Variants in OTOG observed in about 807,000 individuals in gnomAD.
OTOG encodes the protein otogelin.
OTOG carries 296 observed loss-of-function variants against 313.8 expected under a neutral mutation model. That is an observed-to-expected ratio of 0.94 (90% CI 0.86 to 1.04). The LOEUF is 1.04. Among genes scored for constraint, OTOG ranks in the 50% least tolerant of loss-of-function variants. OTOG has a pLI of 0.00. For missense variants in OTOG, 3,948 were observed against 3,840.1 expected (o/e 1.03, Z -0.74); for synonymous variants, 1,533 against 1,554.9 (o/e 0.99, Z 0.33).
Position 17,547,339 on chromosome 11 carries a change from C to A in OTOG, c.-34C>A. ...GGGGAGGCACCTCGGGAGGCTGGCC[C>A]TGCGCTCAAGTCCTCCGGTCCCCTC... On this transcript the variant is annotated 5_prime_UTR_variant, in exon 1 of 56. In the 5' UTR this introduces an upstream ATG that the reference lacks. Coordinates refer to ENST00000399397, the MANE Select transcript of OTOG (RefSeq NM_001292063.2). 1 of 1,320,434 alleles carries A rather than the reference C, an allele frequency of 7.6e-7. No homozygotes were observed. The highest frequency in any genetic ancestry group is 9.6e-7 in the Non-Finnish European group (1 of 1,038,970). The allele number at this position is 1,320,434 out of a possible 1,614,324, so 81.8% of individuals were successfully genotyped here. A position where few individuals can be genotyped will look rare whatever the true frequency, so the allele number is the denominator to read the frequency against.
chr11:17,645,986 C>A lies in OTOG; in HGVS notation c.*42C>A, dbSNP rs1206127000. ...CTAGCTGGACCACCTCTGCCAGCCCCACTTTCTGTTTCCAGCTGGCCCAAT... is the reference window on the plus strand; with the variant it reads ...CTAGCTGGACCACCTCTGCCAGCCCAACTTTCTGTTTCCAGCTGGCCCAAT... On this transcript the variant is annotated 3_prime_UTR_variant, in exon 56 of 56. Coordinates refer to ENST00000399397, the MANE Select transcript of OTOG (RefSeq NM_001292063.2). The A allele has an allele frequency of 5.2e-6, 8 of 1,525,236 alleles. No individual in the cohort carries two copies. The highest frequency in any genetic ancestry group is 6.2e-6 in the Non-Finnish European group (7 of 1,131,300). The allele number at this position is 1,525,236 out of a possible 1,614,324, so 94.5% of individuals were successfully genotyped here.
rs1159405796 is a variant in OTOG, at chr11:17,611,340, T to A, written c.6040T>A (p.Ser2014Thr). The change falls in exon 36 of 56, where the codon TCA becomes ACA. Residue 2014 changes from serine to threonine, a missense_variant. Coordinates refer to ENST00000399397, the MANE Select transcript of OTOG (RefSeq NM_001292063.2). ...DEATTEPSGR[S>T]APALSIVEGL... ...GGCCACCACAGAACCATCTGGGCGC[T>A]CAGCCCCAGCCCTGAGCATCGTAGA... The A allele has an allele frequency of 6.4e-7, 1 of 1,550,422 alleles. No homozygotes were observed. Among genetic ancestry groups the A allele is most frequent in the Non-Finnish European group, 8.7e-7 (1 of 1,146,856 alleles).
At position 17,629,135 on chromosome 11, in the gene OTOG, G is replaced by A; in HGVS notation, c.6531G>A (p.Val2177=). Residue 2177 remains valine (V), a splice_region_variant and synonymous_variant, in exon 40 of 56, where the codon GTG becomes GTA. Transcript: ENST00000399397. ...CTCACACTGAATTCCCTCCCAAGGT[G>A]ACTGTGGACTTGCAGCCTGTGTGGC... The part of the protein sequence containing the change: ...QVTIDRFNRK[V]TVDLQPVWPP... 1.9e-6 allele frequency: 3 copies of A among 1,550,232 alleles called. No homozygotes were observed. The highest frequency in any genetic ancestry group is 2.6e-6 in the Non-Finnish European group (3 of 1,146,818).
At chr11:17,594,831 ACT>A in intron 28 of OTOG, among the ~76,000 whole-genome samples, 1 of 152,174 alleles carries the variant, frequency 6.6e-6, no homozygotes, top group African/African-American at 2.4e-5. Context: ...CAGAGAGGGG[ACT>A]GGGCCAAGAG....
intron 39 of OTOG, among the ~76,000 whole-genome samples, chr11:17,625,337 G>A (rs1284471066): frequency 2.0e-5 from 3 of 152,140 alleles, no homozygotes; most frequent in African/African-American, 4.8e-5. Flanking sequence ...CCTTTAACAC[G>A]TAGTTTATTG....
At chr11:17,608,466 G>A in intron 34 of OTOG, 53 bp downstream of exon 34, 2 of 1,229,064 alleles carry the variant, frequency 1.6e-6, no homozygotes. Context: ...ACTAGTGTGT[G>A]TGTGCACTCA....
intron 53 of OTOG, 80 bp from the exon 54 acceptor site, chr11:17,643,381 T>G: frequency 2.0e-6 from 2 of 986,306 alleles, no homozygotes; most frequent in East Asian, 3.2e-5. Flanking sequence ...TCCTGTACTC[T>G]GCCTGTTTCT....
intron 32 of OTOG, 123 bp downstream of exon 32, chr11:17,602,500 C>T (rs957378810): frequency 4.3e-5 from 49 of 1,138,002 alleles, no homozygotes; most frequent in Middle Eastern, 3.0e-4. Context: ...GACAAGTGCC[C>T]CTCTCCCAGT....
At position 17,593,470 on chromosome 11, in the gene OTOG, T is replaced by C. The variant is rs1853001496; in HGVS notation, c.3142-140T>C. ...GTTAGGAGCCCAGACTGAATTCCTC[T>C]TGGCCAGGGTCAGGAACACAGAGGC... On this transcript the variant is annotated intron_variant, in intron 26 of 55. Coordinates refer to ENST00000399397, the MANE Select transcript of OTOG (RefSeq NM_001292063.2). 42 of 1,425,932 alleles carry C rather than the reference T, an allele frequency of 2.9e-5. No individual in the cohort carries two copies. The South Asian group carries it at 5.5e-4, about 19-fold the overall frequency. The allele number at this position is 1,425,932 out of a possible 1,614,324, so 88.3% of individuals were successfully genotyped here.
rs10580062 is a variant in OTOG, at chr11:17,613,327, C to CCCTTCCTT, written c.6439-246_6439-239dup. Among the ~76,000 whole-genome samples, 2,060 of 102,424 alleles carry CCCTTCCTT rather than the reference C, an allele frequency of 0.02. 75 individuals are homozygous for CCCTTCCTT. The highest frequency in any genetic ancestry group is 0.035 in the Middle Eastern group (8 of 226). The allele number at this position is 102,424 out of a possible 152,430, so 67.2% of individuals were successfully genotyped here. A position where few individuals can be genotyped will look rare whatever the true frequency, so the allele number is the denominator to read the frequency against. On this transcript the variant is annotated intron_variant, in intron 38 of 55. Coordinates refer to ENST00000399397, the MANE Select transcript of OTOG (RefSeq NM_001292063.2). ...CTTCTTTCCCTCCCTCTCTGCCCTG[C>CCCTTCCTT]CCTTCCTTCCTTCCTTCCTTCCTTC...
rs1354357248 is a variant in OTOG, at chr11:17,593,168, T to C, written c.3007-25T>C. The C allele has an allele frequency of 4.5e-6, 7 of 1,541,630 alleles. No homozygotes were observed. The Admixed American group carries it at 6.0e-5, about 13-fold the overall frequency. On this transcript the variant is annotated intron_variant, in intron 25 of 55. Transcript: ENST00000399397. ...AGGATCTCCTTTCTCCCTTGTTTTA[T>C]TGGACTCACTTATTCTCTCCTCAGA... is the stretch of plus-strand genomic sequence containing the variant.
At chr11:17,636,730 C>T (rs1462929631) in intron 47 of OTOG, among the ~76,000 whole-genome samples, 3 of 151,842 alleles carry the variant, frequency 2.0e-5, no homozygotes, top group Non-Finnish European at 2.9e-5. Context: ...CCTGTATTCA[C>T]GTTTCTTTCC....
At chr11:17,608,675 G>A (rs1339324960) in intron 34 of OTOG, among the ~76,000 whole-genome samples, 12 of 152,238 alleles carry the variant, frequency 7.9e-5, no homozygotes, top group Non-Finnish European at 1.5e-5. Context: ...CTGCATGTAT[G>A]CAGGTGTTGT....
At chr11:17,604,912 T>G (rs1319879060) in intron 32 of OTOG, among the ~76,000 whole-genome samples, 1 of 152,252 alleles carries the variant, frequency 6.6e-6, no homozygotes, top group African/African-American at 2.4e-5. Context: ...CTCTGTTACC[T>G]GCCATCTTCT....
In OTOG at chr11:17,611,422, T is replaced by C. The variant is rs1402423863; in HGVS notation, c.6122T>C (p.Val2041Ala). 1 of 1,510,246 alleles carries C rather than the reference T, an allele frequency of 6.6e-7. No homozygotes were observed. The highest frequency in any genetic ancestry group is 2.1e-5 in the Admixed American group (1 of 47,162). The allele number at this position is 1,510,246 out of a possible 1,614,324, so 93.6% of individuals were successfully genotyped here. A position where few individuals can be genotyped will look rare whatever the true frequency, so the allele number is the denominator to read the frequency against. ...GAGGCCAATACATCCACCACCTGTG[T>C]TGTGAGTGATTTGCCAGGGTTCTGG... Reference protein sequence around the residue: ...TTEANTSTTCVPIAEQDCVRH... With the variant: ...TTEANTSTTCAPIAEQDCVRH... Residue 2041 changes from valine (V) to alanine (A), a missense_variant and splice_region_variant, in exon 36 of 56, where the codon GTT becomes GCT. Val to Ala is a moderately conservative substitution (Grantham distance 64). Transcript: ENST00000399397.
intron 7 of OTOG, 31 bp downstream of exon 7, chr11:17,555,928 C>T (rs1348179229): frequency 6.7e-7 from 1 of 1,497,616 alleles, no homozygotes; most frequent in Admixed American, 2.0e-5. Context: ...ATCGAGCTGT[C>T]CTATCCCTGA....
At chr11:17,575,792 A>T (rs1052604294) in intron 20 of OTOG, among the ~76,000 whole-genome samples, 1 of 152,138 alleles carries the variant, frequency 6.6e-6, no homozygotes, top group African/African-American at 2.4e-5. Context: ...TCACCCCTTG[A>T]TGTTGAGTGT....
intron 6 of OTOG, among the ~76,000 whole-genome samples, chr11:17,554,436 T>C (rs1448744746): frequency 6.6e-6 from 1 of 152,178 alleles, no homozygotes; most frequent in Non-Finnish European, 1.5e-5. Context: ...AGGCCTGATT[T>C]TCATGCCTAA....
At chr11:17,592,181 G>A (rs915091692) in intron 25 of OTOG, among the ~76,000 whole-genome samples, 2 of 152,184 alleles carry the variant, frequency 1.3e-5, no homozygotes, top group Non-Finnish European at 2.9e-5. Context: ...CCTACCCCAG[G>A]AGGAATGGGC....
Sources: allele counts gnomAD v4.1 joint callset (sites outside exome capture counted in the v4.1 genomes callset), GRCh38; gene constraint gnomAD v4.1.1; transcripts MANE v1.5; gene names NCBI Gene and HGNC (gene_info 2026-07-23, HGNC 2026-07-21).